TXNDC16: variants seen among roughly 807,000 people sequenced by gnomAD.
TXNDC16 encodes the protein thioredoxin domain-containing protein 16.
Under a neutral mutation model 85.6 loss-of-function variants are expected in TXNDC16, and 74 were observed. The observed-to-expected ratio is 0.86, with a 90% CI of 0.72 to 1.05. The LOEUF (loss-of-function observed/expected upper bound fraction) is 1.05, where lower values mean the gene tolerates loss of function less well. TXNDC16 is among the 50% of genes least tolerant of loss of function. The pLI, the probability that TXNDC16 is intolerant of heterozygous loss-of-function variation, is 0.00. For missense variants in TXNDC16, 959 were observed against 947.0 expected, an observed-to-expected ratio of 1.01 and a Z score of -0.17; for synonymous variants, 335 against 326.5, an observed-to-expected ratio of 1.03 and a Z score of -0.28.
chr14:52,496,989 G>A (rs2140162302), intron 9 of TXNDC16, among the ~76,000 whole-genome samples: 1 of 151,776 alleles, frequency 6.6e-6, no homozygotes, highest in African/African-American at 2.4e-5. Context: ...AAAGTCATAG[G>A]GTAGTATCAT....
chr14:52,460,786 CCTT>C (rs2035635005), intron 16 of TXNDC16, among the ~76,000 whole-genome samples: 3 of 152,138 alleles, frequency 2.0e-5, no homozygotes, highest in Admixed American at 1.3e-4. Context: ...CTTCTTTCTC[CCTT>C]TTTTGAGAGT....
At chr14:52,447,662 C>T (rs532304872) in intron 18 of TXNDC16, among the ~76,000 whole-genome samples, 8 of 152,186 alleles carry the variant, frequency 5.3e-5, no homozygotes, top group African/African-American at 1.9e-4. Context: ...CAACAGTGTC[C>T]TGGAAAAGAT....
intron 6 of TXNDC16, among the ~76,000 whole-genome samples, chr14:52,530,332 T>A (rs2037492439): frequency 4.8e-5 from 2 of 42,068 alleles, no homozygotes; most frequent in East Asian, 2.1e-3. Context: ...ATTTTTATAT[T>A]ATATATAATT....
At chr14:52,497,119 G>GT (rs2036550036) in intron 9 of TXNDC16, among the ~76,000 whole-genome samples, 2 of 152,068 alleles carry the variant, frequency 1.3e-5, no homozygotes. Context: ...TACAATTCAT[G>GT]TATTACTATT....
chr14:52,462,733 TAG>T lies in TXNDC16; in HGVS notation c.1619-5561_1619-5560del, dbSNP rs556312508. ...ATAGGCATCCCTGAATAAGCCTAAT[TAG>T]AGAGTCCTCATTTTTAAATGTACTT... On this transcript the variant is annotated intron_variant, in intron 16 of 20. Transcript: ENST00000281741. 1.7e-3 allele frequency: 613 copies of T among 353,294 alleles called. 1 individual carries two copies. The highest frequency in any genetic ancestry group is 4.1e-3 in the Middle Eastern group (4 of 976). 21.9% of individuals were successfully genotyped at this position (353,294 alleles called of 1,614,324 possible).
At chr14:52,482,572 C>A (rs111927878) in intron 13 of TXNDC16, among the ~76,000 whole-genome samples, 1,840 of 152,148 alleles carry the variant, frequency 0.012, 34 homozygotes, top group African/African-American at 0.041. Flanking sequence ...TGTTAAAAAT[C>A]ATTAGCGTGA....
At chr14:52,465,703 A>G (rs572441980) in intron 16 of TXNDC16, among the ~76,000 whole-genome samples, 1 of 152,274 alleles carries the variant, frequency 6.6e-6, no homozygotes, top group Non-Finnish European at 1.5e-5. Flanking sequence ...AAAACACCCT[A>G]TGTGTACCCT....
At chr14:52,436,557 G>A (rs1452318788) in intron 20 of TXNDC16, among the ~76,000 whole-genome samples, 1 of 152,062 alleles carries the variant, frequency 6.6e-6, no homozygotes, top group African/African-American at 2.4e-5. Flanking sequence ...CTCTAAAAGG[G>A]TGAATTTTAT....
intron 6 of TXNDC16, among the ~76,000 whole-genome samples, chr14:52,531,649 G>T (rs1443649851): frequency 1.3e-5 from 2 of 152,156 alleles, no homozygotes; most frequent in Non-Finnish European, 2.9e-5. Context: ...TGGTTTGTAG[G>T]GGAGAGAGGA....
chr14:52,488,983 G>A (rs368919643), intron 11 of TXNDC16, among the ~76,000 whole-genome samples: 87 of 152,060 alleles, frequency 5.7e-4, no homozygotes, highest in African/African-American at 1.9e-3. Context: ...AAGACAATGT[G>A]TACACTGAAA....
chr14:52,457,068 A>G, intron 17 of TXNDC16, 22 bp downstream of exon 17: 1 of 1,492,256 alleles, frequency 6.7e-7, no homozygotes, highest in Non-Finnish European at 9.1e-7. Context: ...CCTCCCTAAA[A>G]TTAAAAGAGC....
intron 16 of TXNDC16, among the ~76,000 whole-genome samples, chr14:52,458,573 A>G (rs2035587181): frequency 6.6e-6 from 1 of 152,194 alleles, no homozygotes; most frequent in South Asian, 2.1e-4. Context: ...GAGACGAGAG[A>G]CAGAGAGAAA....
intron 7 of TXNDC16, among the ~76,000 whole-genome samples, chr14:52,516,939 T>C (rs988190275): frequency 6.6e-6 from 1 of 152,166 alleles, no homozygotes; most frequent in Non-Finnish European, 1.5e-5. Flanking sequence ...TCCAGGTAGA[T>C]CATCCTTTCA....
chr14:52,455,904 T>A (rs887583155), intron 17 of TXNDC16, among the ~76,000 whole-genome samples: 81 of 152,154 alleles, frequency 5.3e-4, no homozygotes, highest in Admixed American at 5.0e-3. Flanking sequence ...GTGGCCATTA[T>A]GACCTCATTT....
chr14:52,478,908 A>G (rs1045627069), intron 14 of TXNDC16, among the ~76,000 whole-genome samples: 7 of 152,196 alleles, frequency 4.6e-5, no homozygotes, highest in African/African-American at 1.7e-4. Flanking sequence ...AGATGCTATA[A>G]TCCTCAACAA....
At chr14:52,512,494 A>G (rs901727883) in intron 8 of TXNDC16, among the ~76,000 whole-genome samples, 1 of 152,214 alleles carries the variant, frequency 6.6e-6, no homozygotes, top group East Asian at 1.9e-4. Flanking sequence ...CAATGAAAGC[A>G]TATAACTTGT....
chr14:52,462,903 T>A (rs1002954364), intron 16 of TXNDC16: 11 of 455,366 alleles, frequency 2.4e-5, no homozygotes, highest in African/African-American at 2.2e-4. Context: ...AAGGATCTCA[T>A]TTTTATGTTG....
chr14:52,531,502 G>A (rs2037579594), intron 6 of TXNDC16, among the ~76,000 whole-genome samples: 1 of 152,140 alleles, frequency 6.6e-6, no homozygotes, highest in Admixed American at 6.5e-5. Flanking sequence ...GAACTATCAA[G>A]CCATGAAAAG....
At chr14:52,466,109 T>A (rs1459837465) in intron 16 of TXNDC16, among the ~76,000 whole-genome samples, 1 of 151,790 alleles carries the variant, frequency 6.6e-6, no homozygotes, top group Non-Finnish European at 1.5e-5. Context: ...AACATTTTAT[T>A]ACGTATGATG....
Sources: gnomAD v4.1 joint callset for allele counts (sites outside exome capture counted in the v4.1 genomes callset) on GRCh38, gnomAD v4.1.1 for gene constraint, MANE v1.5 for transcripts, NCBI Gene and HGNC (gene_info 2026-07-23, HGNC 2026-07-21) for gene names.